CAMKMT: variants seen among roughly 807,000 people sequenced by gnomAD.
CAMKMT encodes calmodulin-lysine N-methyltransferase, also known as CaM KMT.
CAMKMT carries 53 observed loss-of-function variants against 48.0 expected under a neutral mutation model. The ratio of observed to expected loss-of-function variants is 1.10; its 90% CI spans 0.89 to 1.39. CAMKMT has a LOEUF of 1.39. CAMKMT is among the 40% of genes most tolerant of loss of function. The pLI, the probability that CAMKMT is intolerant of heterozygous loss-of-function variation, is 0.00. For missense variants in CAMKMT, 428 were observed against 402.7 expected (o/e 1.06, Z -0.54); for synonymous variants, 165 against 152.3 (o/e 1.08, Z -0.61).
intron 7 of CAMKMT, among the ~76,000 whole-genome samples, chr2:44,717,975 G>T (rs752235397): frequency 4.6e-5 from 7 of 152,098 alleles, no homozygotes; most frequent in Non-Finnish European, 8.8e-5. Context: ...TCTTACACAG[G>T]GGCAGACCCA....
In CAMKMT at chr2:44,502,935, A is replaced by G. The variant is rs528933890; in HGVS notation, c.376+112630A>G. On this transcript the variant is annotated intron_variant, in intron 3 of 10. Transcript: ENST00000378494. Reference sequence around the variant, plus strand: ...TTTTTTAACTCATCTAATTATTTTTAGTTTTTGTGATGATGACTACTGATT... The same window carrying G: ...TTTTTTAACTCATCTAATTATTTTTGGTTTTTGTGATGATGACTACTGATT... 2.0e-3 allele frequency among the ~76,000 whole-genome samples: 308 copies of G among 152,214 alleles called. 1 individual carries two copies. Among genetic ancestry groups the G allele is most frequent in the Middle Eastern group, 0.01 (3 of 294 alleles).
chr2:44,390,529 G>T (rs887306183), intron 3 of CAMKMT, among the ~76,000 whole-genome samples: 4 of 151,646 alleles, frequency 2.6e-5, no homozygotes, highest in Admixed American at 6.6e-5. Context: ...GTGTGTGTGT[G>T]GGGGGGAGGT....
intron 3 of CAMKMT, among the ~76,000 whole-genome samples, chr2:44,597,737 T>C (rs1161128068): frequency 6.6e-6 from 1 of 152,172 alleles, no homozygotes; most frequent in Non-Finnish European, 1.5e-5. Flanking sequence ...TTTTGTTTGT[T>C]TGTTTGTTTG....
intron 3 of CAMKMT, among the ~76,000 whole-genome samples, chr2:44,437,633 C>T (rs1460018948): frequency 6.6e-6 from 1 of 152,020 alleles, no homozygotes; most frequent in East Asian, 1.9e-4. Flanking sequence ...GGATCATTTG[C>T]ACTCAGGAGT....
intron 3 of CAMKMT, among the ~76,000 whole-genome samples, chr2:44,512,081 A>G (rs1670592599): frequency 6.6e-6 from 1 of 152,202 alleles, no homozygotes; most frequent in Admixed American, 6.5e-5. Flanking sequence ...CGTCTTCCTT[A>G]CGTCAGCCAT....
intron 3 of CAMKMT, among the ~76,000 whole-genome samples, chr2:44,427,707 C>T (rs1341682140): frequency 2.0e-5 from 3 of 152,082 alleles, no homozygotes; most frequent in Non-Finnish European, 4.4e-5. Context: ...TGTAAATTAA[C>T]ATGGAGCCCA....
chr2:44,415,569 A>G (rs1683497350), intron 3 of CAMKMT, among the ~76,000 whole-genome samples: 1 of 152,206 alleles, frequency 6.6e-6, no homozygotes, highest in Non-Finnish European at 1.5e-5. Flanking sequence ...TAAGTTGGTC[A>G]CTTTGCATTA....
intron 3 of CAMKMT, among the ~76,000 whole-genome samples, chr2:44,585,430 A>T (rs1669804851): frequency 6.6e-6 from 1 of 152,216 alleles, no homozygotes; most frequent in Non-Finnish European, 1.5e-5. Flanking sequence ...GCCAGACCAT[A>T]TTCCTGTAGG....
intron 3 of CAMKMT, among the ~76,000 whole-genome samples, chr2:44,645,659 A>G (rs1206788889): frequency 1.3e-5 from 2 of 152,100 alleles, no homozygotes; most frequent in African/African-American, 4.8e-5. Flanking sequence ...CGTCTCTACT[A>G]AAAATACAAA....
chr2:44,685,529 C>T (rs148493613), intron 3 of CAMKMT, among the ~76,000 whole-genome samples: 4 of 152,246 alleles, frequency 2.6e-5, no homozygotes, highest in African/African-American at 9.6e-5. Flanking sequence ...CACCATTAAC[C>T]AGTACAAAGC....
chr2:44,741,138 T>A (rs973851265), intron 7 of CAMKMT, among the ~76,000 whole-genome samples: 5 of 152,268 alleles, frequency 3.3e-5, no homozygotes, highest in Admixed American at 6.5e-5. Context: ...GTATTTGGAA[T>A]GCCTTTGTGT....
At chr2:44,558,997 A>ATAGG (rs1668178708) in intron 3 of CAMKMT, among the ~76,000 whole-genome samples, 1 of 152,090 alleles carries the variant, frequency 6.6e-6, no homozygotes, top group Non-Finnish European at 1.5e-5. Context: ...AGATAGATAG[A>ATAGG]TAGATAGATA....
chr2:44,754,633 A>G (rs971136855), intron 9 of CAMKMT, among the ~76,000 whole-genome samples: 3 of 152,198 alleles, frequency 2.0e-5, no homozygotes, highest in African/African-American at 7.2e-5. Context: ...TTATTTACAT[A>G]TTATAAACAT....
intron 2 of CAMKMT, among the ~76,000 whole-genome samples, chr2:44,380,073 C>T (rs541638586): frequency 6.6e-6 from 1 of 152,006 alleles, no homozygotes; most frequent in African/African-American, 2.4e-5. Flanking sequence ...TAGTTTCAAC[C>T]TCTTGGCATG....
intron 3 of CAMKMT, among the ~76,000 whole-genome samples, chr2:44,515,448 A>G (rs1406478402): frequency 2.6e-5 from 4 of 152,188 alleles, no homozygotes; most frequent in Non-Finnish European, 4.4e-5. Flanking sequence ...CTTAGAACAC[A>G]TGGGATTAGG....
intron 3 of CAMKMT, among the ~76,000 whole-genome samples, chr2:44,406,749 A>G (rs1682808773): frequency 6.6e-6 from 1 of 152,060 alleles, no homozygotes; most frequent in Admixed American, 6.6e-5. Context: ...GAAGCGCACT[A>G]CCAGGCCCTG....
At chr2:44,739,340 A>C (rs1679536435) in intron 7 of CAMKMT, among the ~76,000 whole-genome samples, 1 of 152,228 alleles carries the variant, frequency 6.6e-6, no homozygotes, top group Non-Finnish European at 1.5e-5. Flanking sequence ...CAAAGGTAGA[A>C]TGACCTGCAC....
intron 3 of CAMKMT, among the ~76,000 whole-genome samples, chr2:44,533,127 A>G (rs1666580658): frequency 1.3e-5 from 2 of 151,744 alleles, no homozygotes; most frequent in African/African-American, 4.8e-5. Flanking sequence ...AGATTTTTAA[A>G]CGGAGTAATA....
intron 3 of CAMKMT, among the ~76,000 whole-genome samples, chr2:44,547,421 G>A (rs537709001): frequency 2.3e-4 from 35 of 152,240 alleles, no homozygotes; most frequent in Middle Eastern, 6.8e-3. Context: ...TCCGAAGGCC[G>A]AGGCAGGAGG....
Sources: gnomAD v4.1 joint callset for allele counts (sites outside exome capture counted in the v4.1 genomes callset) on GRCh38, gnomAD v4.1.1 for gene constraint, MANE v1.5 for transcripts, NCBI Gene and HGNC (gene_info 2026-07-23, HGNC 2026-07-21) for gene names.